DDAH1: variants seen among roughly 807,000 people sequenced by gnomAD.
DDAH1 encodes N(G),N(G)-dimethylarginine dimethylaminohydrolase 1.
Under a neutral mutation model 28.8 loss-of-function variants are expected in DDAH1, and 19 were observed. That is an observed-to-expected ratio of 0.66 (90% confidence interval 0.46 to 0.97). DDAH1 has a LOEUF of 0.97. DDAH1 is among the 50% of genes least tolerant of loss of function. The pLI is 0.00. For missense variants in DDAH1, 326 were observed against 375.9 expected, an observed-to-expected ratio of 0.87 and a Z score of 1.10; for synonymous variants, 153 against 154.4, an observed-to-expected ratio of 0.99 and a Z score of 0.07.
In DDAH1 at chr1:85,409,552, T is replaced by C. The variant is rs151253131; in HGVS notation, c.304-50705A>G. ...AGATTCTACGTCACACTTCTATGCT[T>C]TTTCACATACTGCCTAAAACGTTGT... On this transcript the variant is annotated intron_variant, in intron 1 of 5. Coordinates refer to ENST00000284031, the MANE Select transcript of DDAH1 (RefSeq NM_012137.4). Among the ~76,000 whole-genome samples, 936 of 152,254 alleles carry C rather than the reference T, an allele frequency of 6.1e-3. 10 individuals are homozygous for C. Among genetic ancestry groups the C allele is most frequent in the Non-Finnish European group, 7.2e-3 (491 of 68,028 alleles).
chr1:85,515,038 T>TAC (rs1657419717), intron 1 of DDAH1, among the ~76,000 whole-genome samples: 1 of 149,166 alleles, frequency 6.7e-6, no homozygotes. Context: ...CACACATATA[T>TAC]GTTTTTAATT....
chr1:85,392,387 T>C (rs1651594811), intron 1 of DDAH1, among the ~76,000 whole-genome samples: 1 of 152,204 alleles, frequency 6.6e-6, no homozygotes, highest in African/African-American at 2.4e-5. Context: ...GTGAAGACTC[T>C]ATCTCCAGAT....
chr1:85,558,754 T>A (rs916755769), intron 1 of DDAH1, among the ~76,000 whole-genome samples: 1 of 152,214 alleles, frequency 6.6e-6, no homozygotes. Flanking sequence ...AAATCATTCA[T>A]AATCTCATCA....
At chr1:85,550,353 G>A (rs1658750035) in intron 1 of DDAH1, among the ~76,000 whole-genome samples, 1 of 152,108 alleles carries the variant, frequency 6.6e-6, no homozygotes, top group African/African-American at 2.4e-5. Context: ...CTGGTCAATG[G>A]AGCAGCGGTA....
At position 85,535,271 on chromosome 1, in the gene DDAH1, G is replaced by GA. The variant is rs1439101231; in HGVS notation, c.-122-38991dup. Among the ~76,000 whole-genome samples, 6 of 151,254 alleles carry GA rather than the reference G, an allele frequency of 4.0e-5. No homozygotes were observed. The East Asian group carries it at 1.2e-3, about 29-fold the overall frequency. ...GCAGCACCAGATTTAAACCAGACATGAAAATCTATCGTATTTTTAAAGATC... is the reference window on the plus strand; with the variant it reads ...GCAGCACCAGATTTAAACCAGACATGAAAAATCTATCGTATTTTTAAAGATC... On this transcript the variant is annotated intron_variant, in intron 1 of 6. Coordinates refer to the DDAH1 transcript ENST00000426972.
chr1:85,464,678 C>T lies in DDAH1; in HGVS notation c.303+65G>A. The T allele has an allele frequency of 1.4e-6, 2 of 1,426,574 alleles. No individual in the cohort carries two copies. The highest frequency in any genetic ancestry group is 2.7e-5 in the East Asian group (1 of 37,100). 88.4% of individuals were successfully genotyped at this position (1,426,574 alleles called of 1,614,324 possible). On this transcript the variant is annotated intron_variant, in intron 1 of 5. Coordinates refer to ENST00000284031, the MANE Select transcript of DDAH1 (RefSeq NM_012137.4). The surrounding 1 kb of genome is among the most constrained non-coding windows in gnomAD (Gnocchi z 4.4). ...CAATGGCGCGACTCCCCAGGCAACA[C>T]GGCGGCCGGCGGCGGGGGAGGGCCT...
At chr1:85,326,582 A>G (rs984036919) in intron 4 of DDAH1, among the ~76,000 whole-genome samples, 2 of 152,252 alleles carry the variant, frequency 1.3e-5, no homozygotes, top group Non-Finnish European at 2.9e-5. Context: ...CAACTTCTGC[A>G]GCAGGAAACT....
chr1:85,434,817 C>T (rs1008879986), intron 1 of DDAH1, among the ~76,000 whole-genome samples: 1 of 151,798 alleles, frequency 6.6e-6, no homozygotes, highest in Non-Finnish European at 1.5e-5. Context: ...TAACTTACTT[C>T]CCAAGCAAAA....
intron 1 of DDAH1, among the ~76,000 whole-genome samples, chr1:85,526,977 A>G (rs1483159083): frequency 6.6e-6 from 1 of 152,168 alleles, no homozygotes; most frequent in Non-Finnish European, 1.5e-5. Flanking sequence ...AAAGGCAGCT[A>G]ATAAGTGTTC....
chr1:85,488,575 T>C (rs553070287), intron 2 of DDAH1, among the ~76,000 whole-genome samples: 2 of 152,308 alleles, frequency 1.3e-5, no homozygotes, highest in East Asian at 3.9e-4. Context: ...GAGGGAGACA[T>C]GAACATTCAT....
In DDAH1 at chr1:85,464,790, C is replaced by A. The variant is rs993738242; in HGVS notation, c.256G>T (p.Glu86Ter). ...CCGGGTCGGGTGATGAGGGCCGTCT[C>A]CTCGCACACCACGGCCACGTCCTCC... ...FVEDVAVVCE[E>*]TALITRPGAP... Residue 86 changes from glutamate to a stop codon, truncating the protein, a stop_gained, in exon 1 of 6, where the codon GAG becomes TAG. Coordinates refer to ENST00000284031, the MANE Select transcript of DDAH1 (RefSeq NM_012137.4). LOFTEE classifies it high-confidence loss of function. This position sits in a 1 kb window ranked among gnomAD's most constrained non-coding sequence, Gnocchi z 4.4. The A allele has an allele frequency of 6.3e-7, 1 of 1,582,044 alleles. No homozygotes were observed. Among genetic ancestry groups the A allele is most frequent in the Non-Finnish European group, 8.5e-7 (1 of 1,171,430 alleles).
At position 85,400,177 on chromosome 1, in the gene DDAH1, C is replaced by CTT. The variant is rs61677601; in HGVS notation, c.304-41332_304-41331dup. ...TGCAGGAATTCCTTTCTTTTCTTTTCTTTTTTTTTTTTTTTTTTTTTTTTT... is the reference window on the plus strand; with the variant it reads ...TGCAGGAATTCCTTTCTTTTCTTTTCTTTTTTTTTTTTTTTTTTTTTTTTTTT... On this transcript the variant is annotated intron_variant, in intron 1 of 5. Transcript: ENST00000284031. 4.0e-3 allele frequency among the ~76,000 whole-genome samples: 217 copies of CTT among 54,816 alleles called. 35 individuals carry two copies. Among genetic ancestry groups the CTT allele is most frequent in the Admixed American group, 5.0e-3 (20 of 4,034 alleles). The allele number at this position is 54,816 out of a possible 152,430, so 36.0% of individuals were successfully genotyped here.
intron 1 of DDAH1, among the ~76,000 whole-genome samples, chr1:85,410,178 G>A (rs1227212413): frequency 2.0e-5 from 3 of 152,262 alleles, no homozygotes; most frequent in South Asian, 4.1e-4. Flanking sequence ...CTACACGGGA[G>A]GCCGAGGTGG....
intron 1 of DDAH1, among the ~76,000 whole-genome samples, chr1:85,534,849 A>C (rs1658217409): frequency 6.6e-6 from 1 of 152,122 alleles, no homozygotes. Flanking sequence ...CTCCATGTAT[A>C]ATTATTATAT....
intron 1 of DDAH1, among the ~76,000 whole-genome samples, chr1:85,574,725 G>T (rs568716998): frequency 1.3e-5 from 2 of 152,270 alleles, no homozygotes; most frequent in African/African-American, 4.8e-5. Context: ...GGGATTCAGG[G>T]AAGGGTAAAT....
At chr1:85,431,243 G>A (rs964122251) in intron 1 of DDAH1, among the ~76,000 whole-genome samples, 4 of 152,086 alleles carry the variant, frequency 2.6e-5, no homozygotes, top group East Asian at 1.9e-4. Context: ...GGATGAAGCC[G>A]ACTTGATTGT....
intron 1 of DDAH1, among the ~76,000 whole-genome samples, chr1:85,385,640 T>C (rs1487947794): frequency 6.6e-6 from 1 of 152,138 alleles, no homozygotes; most frequent in African/African-American, 2.4e-5. Flanking sequence ...CTCATGGATA[T>C]TGGAACAAAT....
chr1:85,572,417 C>T (rs192330142), intron 1 of DDAH1, among the ~76,000 whole-genome samples: 2 of 152,246 alleles, frequency 1.3e-5, no homozygotes, highest in African/African-American at 2.4e-5. Flanking sequence ...ATGCTCTCCC[C>T]GAAAGGAATG....
At chr1:85,534,933 G>T (rs1433021301) in intron 1 of DDAH1, among the ~76,000 whole-genome samples, 4 of 152,074 alleles carry the variant, frequency 2.6e-5, no homozygotes, top group African/African-American at 9.7e-5. Flanking sequence ...GAACTTTGTT[G>T]TGTATACACG....
Sources: allele counts gnomAD v4.1 joint callset (sites outside exome capture counted in the v4.1 genomes callset), GRCh38; gene constraint gnomAD v4.1.1; non-coding constraint Gnocchi (gnomAD v3.1); transcripts MANE v1.5; gene names NCBI Gene and HGNC (gene_info 2026-07-23, HGNC 2026-07-21).